FAT1: variants seen among roughly 807,000 people sequenced by gnomAD.
The protein encoded by FAT1 is protocadherin Fat 1.
FAT1 carries 171 observed loss-of-function variants against 329.8 expected under a neutral mutation model. That is an observed-to-expected ratio of 0.52 (90% confidence interval 0.46 to 0.59). The LOEUF is 0.59. Among genes scored for constraint, FAT1 ranks in the 20% least tolerant of loss-of-function variants. The probability of loss-of-function intolerance (pLI) is 0.00; values close to 1 mark genes in which losing one functional copy is unlikely to be tolerated. For missense variants in FAT1, 5,672 were observed against 5,774.4 expected (o/e 0.98, Z 0.57); for synonymous variants, 2,233 against 2,228.6 (o/e 1.00, Z -0.06).
chr4:186,619,707 A>G lies in FAT1; in HGVS notation c.6879T>C (p.Ser2293=), dbSNP rs1032218201. ...CAGACGTTCCAATTACAGATGCCTC[A>G]GACAGGGTCACCGCATAAGACTGCT... ...FAQQSYAVTL[S]EASVIGTSVV... is the part of the protein sequence containing the mutation. The change falls in exon 10 of 27, where the codon TCT becomes TCC. Residue 2293 remains serine (S), a synonymous_variant. Transcript: ENST00000441802. 1 of 1,613,944 alleles carries G rather than the reference A, an allele frequency of 6.2e-7. No individual in the cohort carries two copies. The highest frequency in any genetic ancestry group is 8.5e-7 in the Non-Finnish European group (1 of 1,179,910).
Position 186,603,202 on chromosome 4 carries a change from T to C in FAT1, c.11324A>G (p.His3775Arg). The C allele has an allele frequency of 1.2e-6, 2 of 1,613,754 alleles. No individual in the cohort carries two copies. The highest frequency in any genetic ancestry group is 1.7e-6 in the Non-Finnish European group (2 of 1,179,786). Residue 3775 changes from histidine (H) to arginine (R), a missense_variant, in exon 19 of 27, where the codon CAC becomes CGC. Physicochemically the swap from His to Arg is conservative, Grantham distance 29. Transcript: ENST00000441802. ...TTTGCAGAGACACACCGCTGCCCTGTGGTGGCGGGGAGTCACAAAACTCAG... is the reference window on the plus strand; with the variant it reads ...TTTGCAGAGACACACCGCTGCCCTGCGGTGGCGGGGAGTCACAAAACTCAG... ...ARLSFVTPRH[H>R]RAAVCLCKEG...
chr4:186,671,424 A>G (rs1303325136), intron 2 of FAT1, among the ~76,000 whole-genome samples: 1 of 152,216 alleles, frequency 6.6e-6, no homozygotes, highest in Non-Finnish European at 1.5e-5. Flanking sequence ...TGGGCCGGGC[A>G]TGGTGGCTCA....
chr4:186,714,851 A>G (rs1214673219), intron 1 of FAT1, among the ~76,000 whole-genome samples: 1 of 152,216 alleles, frequency 6.6e-6, no homozygotes, highest in Admixed American at 6.5e-5. Flanking sequence ...AGGCCGAGGC[A>G]GGCGGATCAC....
intron 3 of FAT1, among the ~76,000 whole-genome samples, chr4:186,654,881 CCT>C (rs1458669055): frequency 6.6e-6 from 1 of 151,448 alleles, no homozygotes; most frequent in Non-Finnish European, 1.5e-5. Context: ...TGCACTCCAG[CCT>C]GGACGACAGA....
In FAT1 at chr4:186,602,924, C is replaced by T. The variant is rs764419511; in HGVS notation, c.11461G>A (p.Gly3821Ser). The change falls in exon 20 of 27, where the codon GGC becomes AGC. Residue 3821 changes from glycine to serine, a missense_variant. By Grantham distance (56) the Gly-to-Ser change is moderately conservative (BLOSUM62 0). Coordinates refer to ENST00000441802, the MANE Select transcript of FAT1 (RefSeq NM_005245.4). ...TCACCTGGGCACTGACCAAACCTGC[C>T]GCTGGGACAGACACAGGTGTGTTTC... ...EEKHTCVCPSGRFGQCPGSSS... is the reference protein window; with the variant it reads ...EEKHTCVCPSSRFGQCPGSSS... The T allele has an allele frequency of 3.4e-5, 55 of 1,613,744 alleles. No homozygotes were observed. Among genetic ancestry groups the T allele is most frequent in the Middle Eastern group, 3.3e-4 (2 of 6,084 alleles).
rs904970309 is a variant in FAT1, at chr4:186,668,877, A to G, written c.3266-5264T>C. On this transcript the variant is annotated intron_variant, in intron 2 of 26. Transcript: ENST00000441802. Reference sequence around the variant, plus strand: ...ATCCAGTCATCACTGGATGTGAATCAAACTGTGGTCACTCTCAAACCTCTA... The same window carrying G: ...ATCCAGTCATCACTGGATGTGAATCGAACTGTGGTCACTCTCAAACCTCTA... 2.6e-5 allele frequency among the ~76,000 whole-genome samples: 4 copies of G among 152,266 alleles called. No individual in the cohort carries two copies. The East Asian group carries it at 7.8e-4, about 30-fold the overall frequency.
At chr4:186,705,494 C>A (rs1206348474) in intron 2 of FAT1, among the ~76,000 whole-genome samples, 2 of 152,154 alleles carry the variant, frequency 1.3e-5, no homozygotes, top group African/African-American at 4.8e-5. Flanking sequence ...GCTATGATCA[C>A]CCCTTTTCTA....
intron 3 of FAT1, among the ~76,000 whole-genome samples, chr4:186,650,566 A>T (rs540367088): frequency 5.9e-5 from 9 of 152,314 alleles, no homozygotes. Context: ...TTTTTTTTAC[A>T]AAACTAATTT....
chr4:186,712,309 T>C (rs13104916), intron 1 of FAT1, among the ~76,000 whole-genome samples: 75,588 of 152,010 alleles, frequency 0.5, 21,201 homozygotes, highest in Non-Finnish European at 0.65. Flanking sequence ...GGAGAACCGG[T>C]AGAGAAACAG....
In FAT1 at chr4:186,707,506, C is replaced by T. The variant is rs749621748; in HGVS notation, c.2322G>A (p.Leu774=). 1.2e-6 allele frequency: 2 copies of T among 1,613,994 alleles called. No homozygotes were observed. Among genetic ancestry groups the T allele is most frequent in the East Asian group, 2.2e-5 (1 of 44,878 alleles). The change falls in exon 2 of 27, where the codon CTG becomes CTA. Residue 774 remains leucine (L), a synonymous_variant. Transcript: ENST00000441802. The part of the protein sequence containing the change: ...CFMIDMETGM[L]KILSPLDRET... The stretch of plus-strand genomic sequence containing the variant: ...CACGGTCAAGAGGAGATAAAATTTT[C>T]AGCATTCCTGTTTCCATATCAATCA...
In FAT1 at chr4:186,605,935, T is replaced by C. The variant is rs184407616; in HGVS notation, c.10350+135A>G. On this transcript the variant is annotated intron_variant, in intron 17 of 26. Coordinates refer to ENST00000441802, the MANE Select transcript of FAT1 (RefSeq NM_005245.4). ...CTTTAAAATGCTCATCTTTTAATAC[T>C]GATAGCGACTTCTTGAATTCTACGT... 1,743 of 782,616 alleles carry C rather than the reference T, an allele frequency of 2.2e-3. 6 individuals carry two copies. The highest frequency in any genetic ancestry group is 3.3e-3 in the Admixed American group (130 of 38,976). 48.5% of individuals were successfully genotyped at this position (782,616 alleles called of 1,614,324 possible). A position where few individuals can be genotyped will look rare whatever the true frequency, so the allele number is the denominator to read the frequency against.
At chr4:186,590,304 T>C (rs775977641) in intron 26 of FAT1, 9 of 1,107,772 alleles carry the variant, frequency 8.1e-6, no homozygotes, top group South Asian at 2.6e-5. Context: ...CAGTCAGCAC[T>C]GGGGCAAGGC....
Position 186,619,012 on chromosome 4 carries a change from C to T in FAT1, c.7574G>A (p.Gly2525Asp), listed in dbSNP as rs1739877236. ...KTTDGDSGIY[G>D]HVTYHIVNDF... ...ATTTACAATATGGTAAGTAACGTGA[C>T]CATAAATACCAGAATCCCCATCCGT... The change falls in exon 10 of 27, where the codon GGT becomes GAT. Residue 2525 changes from glycine to aspartate, a missense_variant. Physicochemically the swap from Gly to Asp is moderately conservative, Grantham distance 94. Around this residue, in one of 2 missense-constraint regions of FAT1, gnomAD observed 3,966 missense variants for 3,915.2 expected, o/e 1.01. Transcript: ENST00000441802. 5 of 1,613,988 alleles carry T rather than the reference C, an allele frequency of 3.1e-6. No individual in the cohort carries two copies. The highest frequency in any genetic ancestry group is 4.2e-6 in the Non-Finnish European group (5 of 1,179,896).
At chr4:186,649,743 CCT>C (rs1741546717) in intron 3 of FAT1, among the ~76,000 whole-genome samples, 1 of 152,080 alleles carries the variant, frequency 6.6e-6, no homozygotes, top group South Asian at 2.1e-4. Flanking sequence ...ACAGAATCCA[CCT>C]CTGTCGTTTA....
chr4:186,712,624 A>G (rs1406725189), intron 1 of FAT1, among the ~76,000 whole-genome samples: 1 of 152,228 alleles, frequency 6.6e-6, no homozygotes, highest in African/African-American at 2.4e-5. Context: ...CAGGGCAAAG[A>G]GAGACCAGGG....
At chr4:186,676,290 CAAAA>C (rs201591915) in intron 2 of FAT1, among the ~76,000 whole-genome samples, 1 of 136,908 alleles carries the variant, frequency 7.3e-6, no homozygotes, top group Non-Finnish European at 1.6e-5. Context: ...AAAAAAAAAA[CAAAA>C]AAAAACAGGG....
chr4:186,686,715 G>A (rs979460356), intron 2 of FAT1, among the ~76,000 whole-genome samples: 1 of 152,008 alleles, frequency 6.6e-6, no homozygotes, highest in Non-Finnish European at 1.5e-5. Context: ...CCAAGGAACT[G>A]CTTATTGCCT....
At chr4:186,649,730 G>A (rs972354684) in intron 3 of FAT1, among the ~76,000 whole-genome samples, 7 of 152,236 alleles carry the variant, frequency 4.6e-5, no homozygotes, top group South Asian at 2.1e-4. Context: ...CTCCAGAACC[G>A]CGACAGAATC....
At chr4:186,704,047 A>T (rs1744460330) in intron 2 of FAT1, among the ~76,000 whole-genome samples, 2 of 152,244 alleles carry the variant, frequency 1.3e-5, no homozygotes, top group Non-Finnish European at 2.9e-5. Context: ...ATGTGTAAAT[A>T]TTATTCTATC....
Sources: allele counts gnomAD v4.1 joint callset (sites outside exome capture counted in the v4.1 genomes callset), GRCh38; gene constraint gnomAD v4.1.1; regional missense constraint gnomAD v4.1.1; transcripts MANE v1.5; gene names NCBI Gene and HGNC (gene_info 2026-07-23, HGNC 2026-07-21).